The following DLL3 variants were observed in gnomAD, a reference collection of about 807,000 sequenced individuals.
The protein encoded by DLL3 is delta like canonical Notch ligand 3.
DLL3 carries 49 observed loss-of-function variants against 55.0 expected under a neutral mutation model. The ratio of observed to expected loss-of-function variants is 0.89; its 90% CI spans 0.71 to 1.13. The LOEUF is 1.13. Ranked by LOEUF, DLL3 falls within the 50% of genes most tolerant of loss-of-function variation. The probability of loss-of-function intolerance (pLI) is 0.00; values close to 1 mark genes in which losing one functional copy is unlikely to be tolerated. For synonymous variants in DLL3, 421 were observed against 385.2 expected, an observed-to-expected ratio of 1.09 and a Z score of -1.09; for missense variants, 962 against 875.5, an observed-to-expected ratio of 1.10 and a Z score of -1.25.
rs1246991643 is a variant in DLL3 at position 39,502,937 on chromosome 19, T to A, written c.532T>A (p.Cys178Ser). 1 of 1,440,962 alleles carries A rather than the reference T, an allele frequency of 6.9e-7. No homozygotes were observed. Among genetic ancestry groups the A allele is most frequent in the South Asian group, 1.4e-5 (1 of 72,798 alleles). The allele number at this position is 1,440,962 out of a possible 1,614,324, so 89.3% of individuals were successfully genotyped here. ...GCTGCGCTTCTCGTACCGCGCGCGCTGCGAGCCGCCTGCCGTCGGGACCGC... is the reference window on the plus strand; with the variant it reads ...GCTGCGCTTCTCGTACCGCGCGCGCAGCGAGCCGCCTGCCGTCGGGACCGC... ...WELRFSYRARCEPPAVGTACT... is the reference protein window; with the variant it reads ...WELRFSYRARSEPPAVGTACT... The change falls in exon 4 of 9, where the codon TGC becomes AGC. Residue 178 changes from cysteine (C) to serine (S), a missense_variant. By Grantham distance (112) the Cys-to-Ser change is moderately radical (BLOSUM62 -1). Transcript: ENST00000356433.
In DLL3 at chr19:39,504,123, T is replaced by C. The variant is rs551166419; in HGVS notation, c.705T>C (p.Gly235=). Residue 235 remains glycine (G), a synonymous_variant, in exon 5 of 9, where the codon GGT becomes GGC. Coordinates refer to ENST00000356433, the MANE Select transcript of DLL3 (RefSeq NM_203486.3). ...AGCATGGCTTCTGTGAACAGCCCGG[T>C]GAATGCCGATGCCTAGAGGGCTGGA... The part of the protein sequence containing the change: ...SPEHGFCEQP[G]ECRCLEGWTG... The C allele has an allele frequency of 3.7e-5, 60 of 1,613,002 alleles. No individual in the cohort carries two copies. In the South Asian group the frequency reaches 6.6e-4, roughly 18 times the overall value.
chr19:39,501,336 A>G (rs7247163), intron 3 of DLL3, among the ~76,000 whole-genome samples: 42,914 of 152,062 alleles, frequency 0.28, 6,503 homozygotes, highest in Middle Eastern at 0.41. Flanking sequence ...CCATGTGGAC[A>G]TCCCAGGGAG....
chr19:39,503,183 A>C, intron 4 of DLL3, 126 bp downstream of exon 4: 1 of 1,020,590 alleles, frequency 9.8e-7, no homozygotes, highest in Non-Finnish European at 1.3e-6. Flanking sequence ...AGAGTCCCCC[A>C]CCATGTACCC....
In DLL3 at chr19:39,504,264, G is replaced by T; in HGVS notation, c.846G>T (p.Pro282=). 6.2e-7 allele frequency: 1 copy of T among 1,612,870 alleles called. No homozygotes were observed. The highest frequency in any genetic ancestry group is 8.5e-7 in the Non-Finnish European group (1 of 1,180,030). The change falls in exon 5 of 9, where the codon CCG becomes CCT. Residue 282 remains proline, a synonymous_variant. Coordinates refer to ENST00000356433, the MANE Select transcript of DLL3 (RefSeq NM_203486.3). ...VPGPGPCDGN[P]CANGGSCSET... ...GGCCTGGGCCCTGTGACGGGAACCC[G>T]TGTGCCAATGGAGGCAGCTGTAGTG...
At chr19:39,500,801 C>T in intron 3 of DLL3, 129 bp downstream of exon 3, 1 of 816,444 alleles carries the variant, frequency 1.2e-6, no homozygotes, top group Non-Finnish European at 2.1e-6. Flanking sequence ...GTTGACAGCT[C>T]CAGGGCTCTT....
In DLL3 at chr19:39,508,412, C is replaced by G. The variant is rs2079657754; in HGVS notation, c.*155C>G. The G allele has an allele frequency of 1.2e-6, 1 of 824,406 alleles. No individual in the cohort carries two copies. The highest frequency in any genetic ancestry group is 2.2e-5 in the Admixed American group (1 of 45,936). The allele number at this position is 824,406 out of a possible 1,614,324, so 51.1% of individuals were successfully genotyped here. A position where few individuals can be genotyped will look rare whatever the true frequency, so the allele number is the denominator to read the frequency against. On this transcript the variant is annotated 3_prime_UTR_variant, in exon 9 of 9. Transcript: ENST00000356433. ...AGTTGTAAATAATGGTTATTTATAT[C>G]CTATTTTTTCTCACCCCATCTCTCT... is the stretch of plus-strand genomic sequence containing the variant.
chr19:39,506,136 C>T (rs181125651), intron 6 of DLL3, among the ~76,000 whole-genome samples: 5 of 141,052 alleles, frequency 3.5e-5, no homozygotes, highest in South Asian at 4.5e-4. Context: ...CACTTGAACC[C>T]GGGAGGCGGA....
rs1291606692 is a variant in DLL3 at position 39,505,338 on chromosome 19, G to A, written c.980G>A (p.Cys327Tyr). The A allele has an allele frequency of 3.1e-6, 5 of 1,614,110 alleles. No homozygotes were observed. The African/African-American group carries it at 5.3e-5, about 17-fold the overall frequency. The part of the protein sequence containing the change: ...ADGPCFNGGL[C>Y]VGGADPDSAY... Reference sequence around the variant, plus strand: ...GGACCCTGCTTCAACGGCGGCTTGTGTGTCGGGGGTGCAGACCCTGACTCT... The same window carrying A: ...GGACCCTGCTTCAACGGCGGCTTGTATGTCGGGGGTGCAGACCCTGACTCT... Residue 327 changes from cysteine to tyrosine, a missense_variant, in exon 6 of 9, where the codon TGT becomes TAT. Coordinates refer to ENST00000356433, the MANE Select transcript of DLL3 (RefSeq NM_203486.3).
rs2079646676 is a variant in DLL3 at position 39,507,209 on chromosome 19, G to T, written c.1264G>T (p.Gly422Cys). ...AHRCSCALGF[G>C]GRDCRERADP... The stretch of plus-strand genomic sequence containing the variant: ...CCGCTGCTCCTGCGCGCTGGGCTTC[G>T]GCGGCCGCGACTGCCGCGAGCGCGC... Residue 422 changes from glycine to cysteine, a missense_variant, in exon 7 of 9, where the codon GGC becomes TGC. Physicochemically the swap from Gly to Cys is radical, Grantham distance 159 (BLOSUM62 -3). Transcript: ENST00000356433. The T allele has an allele frequency of 7.6e-7, 1 of 1,320,622 alleles. No individual in the cohort carries two copies. The highest frequency in any genetic ancestry group is 9.6e-7 in the Non-Finnish European group (1 of 1,045,400). The allele number at this position is 1,320,622 out of a possible 1,614,324, so 81.8% of individuals were successfully genotyped here. A position where few individuals can be genotyped will look rare whatever the true frequency, so the allele number is the denominator to read the frequency against.
At chr19:39,503,162 C>T (rs924292505) in intron 4 of DLL3, 105 bp downstream of exon 4, 3 of 1,268,422 alleles carry the variant, frequency 2.4e-6, no homozygotes, top group South Asian at 3.0e-5. Context: ...TCACCCTCTT[C>T]AGGGTACTCT....
At chr19:39,505,510 A>C (rs766943085) in intron 6 of DLL3, 59 bp downstream of exon 6, 1 of 1,587,086 alleles carries the variant, frequency 6.3e-7, no homozygotes, top group Non-Finnish European at 8.6e-7. Flanking sequence ...TGGCTCAGAC[A>C]GTCCAGGGTT....
Position 39,500,606 on chromosome 19 carries a change from C to T in DLL3, c.352-9C>T. ...CATCTTTCATCTCCCCCTTCCTTCACCCAACCAGGGCACCTTCTCTTTCAT... is the reference window on the plus strand; with the variant it reads ...CATCTTTCATCTCCCCCTTCCTTCATCCAACCAGGGCACCTTCTCTTTCAT... On this transcript the variant is annotated splice_polypyrimidine_tract_variant and intron_variant, in intron 2 of 8. Transcript: ENST00000356433. 6.2e-7 allele frequency: 1 copy of T among 1,613,302 alleles called. No homozygotes were observed. The highest frequency in any genetic ancestry group is 2.2e-5 in the East Asian group (1 of 44,872).
chr19:39,501,965 C>T (rs1009010717), intron 3 of DLL3, among the ~76,000 whole-genome samples: 2 of 151,958 alleles, frequency 1.3e-5, no homozygotes, highest in South Asian at 4.1e-4. Flanking sequence ...GCGGGCGGAT[C>T]AGGAGGTCAG....
At position 39,502,939 on chromosome 19, in the gene DLL3, C is replaced by A. The variant is rs1447189148; in HGVS notation, c.534C>A (p.Cys178Ter). The change falls in exon 4 of 9, where the codon TGC becomes TGA. Residue 178 changes from cysteine to a stop codon, truncating the protein, a stop_gained. Coordinates refer to ENST00000356433, the MANE Select transcript of DLL3 (RefSeq NM_203486.3). LOFTEE classifies it high-confidence loss of function. ...TGCGCTTCTCGTACCGCGCGCGCTG[C>A]GAGCCGCCTGCCGTCGGGACCGCGT... ...WELRFSYRAR[C>*]EPPAVGTACT... 3.5e-6 allele frequency: 5 copies of A among 1,440,640 alleles called. No homozygotes were observed. Among genetic ancestry groups the A allele is most frequent in the African/African-American group, 1.5e-5 (1 of 67,198 alleles). The allele number at this position is 1,440,640 out of a possible 1,614,324, so 89.2% of individuals were successfully genotyped here. A position where few individuals can be genotyped will look rare whatever the true frequency, so the allele number is the denominator to read the frequency against.
At chr19:39,501,898 G>A (rs1015968005) in intron 3 of DLL3, among the ~76,000 whole-genome samples, 6 of 152,038 alleles carry the variant, frequency 3.9e-5, no homozygotes, top group African/African-American at 1.4e-4. Context: ...CAAAGATCTG[G>A]GTCAAGGCCC....
intron 4 of DLL3, 59 bp downstream of exon 4, chr19:39,503,116 G>T: frequency 6.7e-7 from 1 of 1,488,880 alleles, no homozygotes; most frequent in South Asian, 1.3e-5. Flanking sequence ...CCTCCTGAGC[G>T]TCACTCGCGG....
chr19:39,508,290 C>T lies in DLL3; in HGVS notation c.*33C>T, dbSNP rs745631235. 2.5e-6 allele frequency: 4 copies of T among 1,613,480 alleles called. No homozygotes were observed. In the South Asian group the frequency reaches 4.4e-5, roughly 18 times the overall value. ...CCTCCATCCGCACCTGGAGTCAGAG[C>T]GTGGATTTTTGTATTTGCTCGGTGG... On this transcript the variant is annotated 3_prime_UTR_variant, in exon 9 of 9. Transcript: ENST00000356433.
intron 3 of DLL3, among the ~76,000 whole-genome samples, chr19:39,502,171 A>G (rs888203138): frequency 1.6e-4 from 24 of 152,130 alleles, no homozygotes; most frequent in African/African-American, 5.1e-4. Flanking sequence ...TGGGCGACAG[A>G]GTGAGACTCC....
chr19:39,500,182 C>T (rs2079601244), intron 2 of DLL3, among the ~76,000 whole-genome samples: 1 of 151,294 alleles, frequency 6.6e-6, no homozygotes, highest in African/African-American at 2.4e-5. Context: ...AATTCCAGCA[C>T]TTTGGGAGGT....
Sources: gnomAD v4.1 joint callset for allele counts (sites outside exome capture counted in the v4.1 genomes callset) on GRCh38, gnomAD v4.1.1 for gene constraint, MANE v1.5 for transcripts, NCBI Gene and HGNC (gene_info 2026-07-23, HGNC 2026-07-21) for gene names.